Variants in TENM2 observed in about 807,000 individuals in gnomAD.
TENM2 encodes teneurin transmembrane protein 2.
TENM2 carries 52 observed loss-of-function variants against 245.2 expected under a neutral mutation model. That is an observed-to-expected ratio of 0.21 (90% CI 0.17 to 0.27). The LOEUF (loss-of-function observed/expected upper bound fraction) is 0.27, where lower values mean the gene tolerates loss of function less well. TENM2 is among the 10% of genes least tolerant of loss of function. TENM2 has a pLI of 1.00. For synonymous variants in TENM2, 1,363 were observed against 1,438.9 expected (o/e 0.95, Z 1.19); for missense variants, 3,046 against 3,666.8 (o/e 0.83, Z 4.37).
intron 5 of TENM2, among the ~76,000 whole-genome samples, chr5:167,994,206 T>C (rs1055587643): frequency 6.6e-6 from 1 of 152,262 alleles, no homozygotes; most frequent in Non-Finnish European, 1.5e-5. Flanking sequence ...GGCTGTGCCA[T>C]GTTGCAAAGC....
chr5:167,897,059 C>T (rs1413665386), intron 3 of TENM2, among the ~76,000 whole-genome samples: 1 of 152,192 alleles, frequency 6.6e-6, no homozygotes, highest in Non-Finnish European at 1.5e-5. Flanking sequence ...TAATGTGAGG[C>T]TCATCATTCT....
At chr5:167,512,391 T>C (rs1203930605) in intron 2 of TENM2, among the ~76,000 whole-genome samples, 1 of 152,188 alleles carries the variant, frequency 6.6e-6, no homozygotes, top group Non-Finnish European at 1.5e-5. Context: ...CTATTTCAAA[T>C]AGTTCATTTA....
chr5:167,953,693 G>A (rs906527709), intron 4 of TENM2, among the ~76,000 whole-genome samples: 2 of 152,182 alleles, frequency 1.3e-5, no homozygotes, highest in Non-Finnish European at 2.9e-5. Context: ...GGAACAGAGA[G>A]GAGGGCTAAT....
chr5:167,785,308 A>G lies in TENM2; in HGVS notation c.503-90678A>G, dbSNP rs561851396. Among the ~76,000 whole-genome samples the G allele has an allele frequency of 3.3e-5, 5 of 152,252 alleles. No homozygotes were observed. In the East Asian group the frequency reaches 9.7e-4, roughly 29 times the overall value. On this transcript the variant is annotated intron_variant, in intron 2 of 28. Coordinates refer to ENST00000518659, the Ensembl canonical transcript of TENM2. ...AGTGCCACAGGAAGATGAATCAATGATCTATTAATATGCATTTCATTTGGG... is the reference window on the plus strand; with the variant it reads ...AGTGCCACAGGAAGATGAATCAATGGTCTATTAATATGCATTTCATTTGGG...
At chr5:168,262,197 G>C (rs1388397151) in exon 29 of TENM2, 10 of 1,610,964 alleles carry the variant, frequency 6.2e-6, no homozygotes, top group South Asian at 1.1e-5. Context: ...ATTGGCAAAG[G>C]CATCATGTTT....
intron 2 of TENM2, among the ~76,000 whole-genome samples, chr5:167,720,396 A>G (rs572391031): frequency 6.6e-6 from 1 of 152,238 alleles, no homozygotes; most frequent in African/African-American, 2.4e-5. Flanking sequence ...GATGAAACCA[A>G]CGGATGTTCC....
the TENM2 span, among the ~76,000 whole-genome samples, chr5:167,094,649 T>G: frequency 6.6e-6 from 1 of 152,200 alleles, no homozygotes; most frequent in African/African-American, 2.4e-5. Context: ...TGAAATGGTT[T>G]AAGTCTTGTG....
chr5:168,175,827 C>T (rs1248305735), intron 13 of TENM2, among the ~76,000 whole-genome samples: 1 of 152,246 alleles, frequency 6.6e-6, no homozygotes, highest in Admixed American at 6.5e-5. Context: ...CTGCCATGCT[C>T]ACTCAGAAAG....
At chr5:167,877,251 G>A (rs1303921280) in intron 3 of TENM2, among the ~76,000 whole-genome samples, 1 of 152,102 alleles carries the variant, frequency 6.6e-6, no homozygotes, top group Non-Finnish European at 1.5e-5. Context: ...CCCACCACTG[G>A]CCTCAACCTC....
intron 3 of TENM2, among the ~76,000 whole-genome samples, chr5:167,922,698 T>C (rs32399): frequency 0.47 from 71,465 of 152,066 alleles, 18,465 homozygotes; most frequent in African/African-American, 0.7. Flanking sequence ...CTGCCCAGGA[T>C]GTTCCCTCCT....
chr5:167,058,703 A>G, the TENM2 span, among the ~76,000 whole-genome samples: 2 of 152,172 alleles, frequency 1.3e-5, no homozygotes, highest in Non-Finnish European at 2.9e-5. Flanking sequence ...GTCAGCCATG[A>G]CAGTGCCACT....
At chr5:167,643,277 C>T (rs1016188191) in intron 2 of TENM2, among the ~76,000 whole-genome samples, 1 of 152,148 alleles carries the variant, frequency 6.6e-6, no homozygotes, top group Non-Finnish European at 1.5e-5. Context: ...TCCCACACCC[C>T]GCCCTAGGCA....
At chr5:167,465,704 G>A (rs1274779160) in intron 2 of TENM2, among the ~76,000 whole-genome samples, 1 of 152,112 alleles carries the variant, frequency 6.6e-6, no homozygotes, top group Non-Finnish European at 1.5e-5. Flanking sequence ...GGTGGCGGGC[G>A]CCTGTAGTCC....
intron 28 of TENM2, 92 bp from the exon 31 acceptor site, chr5:168,261,957 C>T: frequency 7.9e-7 from 1 of 1,273,094 alleles, no homozygotes; most frequent in Non-Finnish European, 1.1e-6. Flanking sequence ...CTAGTTCTTG[C>T]AGGAGAGTTC....
chr5:167,356,757 A>T (rs1261593198), intron 1 of TENM2, among the ~76,000 whole-genome samples: 1 of 152,214 alleles, frequency 6.6e-6, no homozygotes, highest in Non-Finnish European at 1.5e-5. Context: ...TTCCATACAC[A>T]TGAGAATTTT....
chr5:167,413,909 A>G (rs1763033560), intron 2 of TENM2, among the ~76,000 whole-genome samples: 1 of 152,184 alleles, frequency 6.6e-6, no homozygotes, highest in Admixed American at 6.6e-5. Context: ...AGCGCTCAAT[A>G]CTTTACCACC....
intron 2 of TENM2, among the ~76,000 whole-genome samples, chr5:167,702,562 A>G (rs963419129): frequency 8.1e-5 from 12 of 147,552 alleles, no homozygotes; most frequent in Admixed American, 6.8e-4. Flanking sequence ...GTATATATAT[A>G]TATATATATA....
At position 167,750,094 on chromosome 5, in the gene TENM2, GAATGTT is replaced by G. The variant is rs558471148; in HGVS notation, c.503-125887_503-125882del. Among the ~76,000 whole-genome samples, 62 of 152,230 alleles carry G rather than the reference GAATGTT, an allele frequency of 4.1e-4. No individual in the cohort carries two copies. The South Asian group carries it at 4.2e-3, about 10-fold the overall frequency. On this transcript the variant is annotated intron_variant, in intron 2 of 28. Transcript: ENST00000518659. ...GCAGGAATGGTTCATTATCTTCGGGGAATGTTAATGGCCCACCTCGAGGATTCTAAA... is the reference window on the plus strand; with the variant it reads ...GCAGGAATGGTTCATTATCTTCGGGGAATGGCCCACCTCGAGGATTCTAAA...
intron 7 of TENM2, among the ~76,000 whole-genome samples, chr5:168,082,276 TC>T (rs1187000513): frequency 6.6e-6 from 1 of 152,226 alleles, no homozygotes; most frequent in African/African-American, 2.4e-5. Context: ...TGGTTTCAGC[TC>T]CATCAGGTTA....
Sources: gnomAD v4.1 joint callset for allele counts (sites outside exome capture counted in the v4.1 genomes callset) on GRCh38, gnomAD v4.1.1 for gene constraint, MANE v1.5 for transcripts, NCBI Gene and HGNC (gene_info 2026-07-23, HGNC 2026-07-21) for gene names.